The following HS6ST3 variants were observed in gnomAD, a reference collection of about 807,000 sequenced individuals.
The protein encoded by HS6ST3 is heparan sulfate 6-O-sulfotransferase 3.
HS6ST3 carries 12 observed loss-of-function variants against 36.7 expected under a neutral mutation model. The ratio of observed to expected loss-of-function variants is 0.33; its 90% CI spans 0.21 to 0.53. The LOEUF (loss-of-function observed/expected upper bound fraction) is 0.53, where lower values mean the gene tolerates loss of function less well. HS6ST3 is among the 20% of genes least tolerant of loss of function. HS6ST3 has a pLI of 0.95. For synonymous variants in HS6ST3, 240 were observed against 257.5 expected, an observed-to-expected ratio of 0.93 and a Z score of 0.65; for missense variants, 584 against 640.9, an observed-to-expected ratio of 0.91 and a Z score of 0.96.
At chr13:96,505,322 G>A (rs1013812712) in intron 1 of HS6ST3, among the ~76,000 whole-genome samples, 30 of 152,138 alleles carry the variant, frequency 2.0e-4, no homozygotes, top group African/African-American at 7.0e-4. Context: ...ATGAAAGGGA[G>A]CCCCATCATA....
chr13:96,677,314 T>A (rs766160874), intron 1 of HS6ST3, among the ~76,000 whole-genome samples: 1 of 152,182 alleles, frequency 6.6e-6, no homozygotes, highest in Non-Finnish European at 1.5e-5. Flanking sequence ...CTAGACAGAT[T>A]TATGTCAATT....
At chr13:96,328,731 G>T in intron 1 of HS6ST3, among the ~76,000 whole-genome samples, 1 of 152,178 alleles carries the variant, frequency 6.6e-6, no homozygotes, top group South Asian at 2.1e-4. Flanking sequence ...TTTTTCTATT[G>T]GTTGGAATAG....
intron 1 of HS6ST3, among the ~76,000 whole-genome samples, chr13:96,642,615 T>C (rs1443727111): frequency 1.3e-5 from 2 of 151,948 alleles, no homozygotes; most frequent in Admixed American, 1.3e-4. Context: ...TAATTTCAAT[T>C]GACTTATCTT....
intron 1 of HS6ST3, among the ~76,000 whole-genome samples, chr13:96,831,858 G>C (rs1480398048): frequency 6.7e-6 from 1 of 149,654 alleles, no homozygotes; most frequent in East Asian, 2.0e-4. Flanking sequence ...AGGAGGCTGA[G>C]GCAGGAGAAT....
chr13:96,733,594 C>A (rs1876212403), intron 1 of HS6ST3, among the ~76,000 whole-genome samples: 1 of 152,144 alleles, frequency 6.6e-6, no homozygotes, highest in Admixed American at 6.5e-5. Context: ...TATTCTATAA[C>A]AATTTTGATA....
chr13:96,177,196 T>A (rs1201571520), intron 1 of HS6ST3, among the ~76,000 whole-genome samples: 1 of 152,118 alleles, frequency 6.6e-6, no homozygotes, highest in Non-Finnish European at 1.5e-5. Flanking sequence ...GTTCAACCAT[T>A]GTGGAAAGCA....
intron 1 of HS6ST3, among the ~76,000 whole-genome samples, chr13:96,290,499 G>A (rs755056281): frequency 3.9e-5 from 6 of 152,136 alleles, no homozygotes; most frequent in Non-Finnish European, 8.8e-5. Context: ...ACAATAAGAG[G>A]ATTGGAGCCA....
intron 1 of HS6ST3, among the ~76,000 whole-genome samples, chr13:96,660,307 C>A (rs2056641976): frequency 1.3e-5 from 2 of 152,050 alleles, no homozygotes; most frequent in Admixed American, 6.6e-5. Flanking sequence ...TACTAAAGGG[C>A]ACAGGAGCAT....
chr13:96,724,458 T>G (rs1446546639), intron 1 of HS6ST3, among the ~76,000 whole-genome samples: 1 of 152,190 alleles, frequency 6.6e-6, no homozygotes, highest in Non-Finnish European at 1.5e-5. Context: ...ACAATCAAGA[T>G]ACTGAACAGA....
chr13:96,129,775 A>G (rs1345430319), intron 1 of HS6ST3, among the ~76,000 whole-genome samples: 2 of 152,182 alleles, frequency 1.3e-5, no homozygotes, highest in Non-Finnish European at 2.9e-5. Flanking sequence ...ATCCAGTATG[A>G]CTGGTGACCT....
chr13:96,537,162 G>T (rs1051869965), intron 1 of HS6ST3, among the ~76,000 whole-genome samples: 2 of 152,180 alleles, frequency 1.3e-5, no homozygotes, highest in Non-Finnish European at 2.9e-5. Context: ...CATAATCATG[G>T]TGGATGGCGA....
intron 1 of HS6ST3, among the ~76,000 whole-genome samples, chr13:96,580,819 C>T (rs2056339337): frequency 6.6e-6 from 1 of 152,098 alleles, no homozygotes. Flanking sequence ...TACATACAAA[C>T]CCACAGAATG....
At chr13:96,124,491 A>G (rs1437641983) in intron 1 of HS6ST3, among the ~76,000 whole-genome samples, 1 of 152,254 alleles carries the variant, frequency 6.6e-6, no homozygotes, top group Admixed American at 6.5e-5. Context: ...GGAAAAAAAT[A>G]AGTAGATATT....
At chr13:96,284,607 G>T (rs1278182476) in intron 1 of HS6ST3, among the ~76,000 whole-genome samples, 1 of 152,156 alleles carries the variant, frequency 6.6e-6, no homozygotes, top group Non-Finnish European at 1.5e-5. Context: ...TGAATCAAAT[G>T]TTAGTCTCCT....
At chr13:96,532,107 AG>A (rs1566388624) in intron 1 of HS6ST3, among the ~76,000 whole-genome samples, 2 of 152,198 alleles carry the variant, frequency 1.3e-5, no homozygotes. Context: ...GAGTACAGTC[AG>A]GCCTCTCAGT....
At chr13:96,136,682 CATAT>C (rs56247662) in intron 1 of HS6ST3, among the ~76,000 whole-genome samples, 16,127 of 129,454 alleles carry the variant, frequency 0.12, 1,166 homozygotes, top group East Asian at 0.18. Flanking sequence ...TGTTATGAAA[CATAT>C]ATATATATAT....
chr13:96,572,886 C>G (rs1359633670), intron 1 of HS6ST3, among the ~76,000 whole-genome samples: 3 of 152,160 alleles, frequency 2.0e-5, no homozygotes, highest in East Asian at 3.9e-4. Flanking sequence ...TTCCAAGAAG[C>G]AATGATAGGC....
At chr13:96,534,778 G>A (rs1012317616) in intron 1 of HS6ST3, among the ~76,000 whole-genome samples, 2 of 152,134 alleles carry the variant, frequency 1.3e-5, no homozygotes, top group Non-Finnish European at 2.9e-5. Flanking sequence ...GGCCAACATG[G>A]TGAAACCCTG....
intron 1 of HS6ST3, among the ~76,000 whole-genome samples, chr13:96,556,413 T>C (rs550732787): frequency 6.6e-6 from 1 of 152,312 alleles, no homozygotes; most frequent in South Asian, 2.1e-4. Flanking sequence ...ATAGTCCTTA[T>C]ATTTCTAACT....
Sources: allele counts gnomAD v4.1 joint callset (sites outside exome capture counted in the v4.1 genomes callset), GRCh38; gene constraint gnomAD v4.1.1; transcripts MANE v1.5; gene names NCBI Gene and HGNC (gene_info 2026-07-23, HGNC 2026-07-21).